SORBS2: variants seen among roughly 807,000 people sequenced by gnomAD.
The protein encoded by SORBS2 is sorbin and SH3 domain containing 2.
In SORBS2, 46 loss-of-function variants were observed where a neutral mutation model predicts 97.7. The ratio of observed to expected loss-of-function variants is 0.47; its 90% CI spans 0.37 to 0.60. The LOEUF (loss-of-function observed/expected upper bound fraction) is 0.60. Ranked by LOEUF, SORBS2 falls within the 20% of genes least tolerant of loss-of-function variation. SORBS2 has a pLI of 0.00. For missense variants in SORBS2, 1,316 were observed against 1,282.3 expected (o/e 1.03, Z -0.40); for synonymous variants, 476 against 473.4 (o/e 1.01, Z -0.07).
exon 7 of SORBS2, chr4:185,624,236 C>T: frequency 6.2e-7 from 1 of 1,614,236 alleles, no homozygotes; most frequent in Non-Finnish European, 8.5e-7. Flanking sequence ...GTCCGGGAAG[C>T]TATCGCAGTC....
rs2096771521 is a variant in SORBS2 at position 185,624,248 on chromosome 4, T to C, written c.881A>G (p.Asp294Gly). The C allele has an allele frequency of 6.2e-7, 1 of 1,614,052 alleles. No individual in the cohort carries two copies. The highest frequency in any genetic ancestry group is 8.5e-7 in the Non-Finnish European group (1 of 1,180,024). The change falls in exon 7 of 15, where the codon GAC becomes GGC. Residue 294 changes from aspartate to glycine, a missense_variant. Physicochemically the swap from Asp to Gly is moderately conservative, Grantham distance 94. Coordinates refer to ENST00000418609, the Ensembl canonical transcript of SORBS2. ...CGGGTCCGGGAAGCTATCGCAGTCG[T>C]CGTTTAGGAGATCGTCACAGCTCCG... is the stretch of plus-strand genomic sequence containing the variant.
chr4:185,677,058 A>G (rs1441400066), intron 4 of SORBS2: 7 of 1,551,430 alleles, frequency 4.5e-6, no homozygotes, highest in Non-Finnish European at 5.2e-6. Flanking sequence ...CTCTTGCTGA[A>G]GAGGTATCTT....
chr4:185,744,891 A>G (rs1187306807), intron 2 of SORBS2, among the ~76,000 whole-genome samples: 1 of 152,246 alleles, frequency 6.6e-6, no homozygotes, highest in Non-Finnish European at 1.5e-5. Flanking sequence ...GCAAAGGCAC[A>G]TTCACTAAGG....
At chr4:185,592,294 T>G (rs1487408937) in intron 13 of SORBS2, among the ~76,000 whole-genome samples, 1 of 152,244 alleles carries the variant, frequency 6.6e-6, no homozygotes, top group African/African-American at 2.4e-5. Context: ...AAAATCCCAC[T>G]AATTCAGGCT....
Position 185,712,397 on chromosome 4 carries a change from G to A in SORBS2, c.-197-33575C>T, listed in dbSNP as rs552124117. Among the ~76,000 whole-genome samples, 100 of 152,148 alleles carry A rather than the reference G, an allele frequency of 6.6e-4. 1 individual carries two copies. Among genetic ancestry groups the A allele is most frequent in the Non-Finnish European group, 2.6e-4 (18 of 68,014 alleles). On this transcript the variant is annotated intron_variant, in intron 2 of 20. Transcript: ENST00000284776. ...CCTTCCCACTGAGAGCCACTTTATC[G>A]GCAATAAAATCCCCCACATTTATCA...
chr4:185,772,567 C>T (rs1015687006), intron 2 of SORBS2: 3 of 152,190 alleles, frequency 2.0e-5, no homozygotes. Context: ...GGACTTCCTT[C>T]CTTCAGCTGA....
intron 1 of SORBS2, among the ~76,000 whole-genome samples, chr4:185,800,294 C>T (rs1585041848): frequency 6.6e-6 from 1 of 152,202 alleles, no homozygotes; most frequent in African/African-American, 2.4e-5. Context: ...GAAATCTCAC[C>T]TGCGTCAGAC....
At chr4:185,646,297 CTGAT>C (rs2097205775) in intron 4 of SORBS2, 1 of 159,296 alleles carries the variant, frequency 6.3e-6, no homozygotes, top group Admixed American at 6.4e-5. Context: ...AAGTTAAACT[CTGAT>C]TAATGATTAG....
chr4:185,918,533 A>C (rs1360419929), intron 1 of SORBS2: 1 of 152,194 alleles, frequency 6.6e-6, no homozygotes, highest in Non-Finnish European at 1.5e-5. Context: ...TTGGCCAATG[A>C]AGGGTGAGAG....
chr4:185,700,048 A>G (rs1381117258), intron 2 of SORBS2, among the ~76,000 whole-genome samples: 3 of 152,116 alleles, frequency 2.0e-5, no homozygotes, highest in Non-Finnish European at 1.5e-5. Flanking sequence ...CAGAAGGCAT[A>G]CACACGAGAG....
chr4:185,953,398 A>G (rs577308974), intron 1 of SORBS2, among the ~76,000 whole-genome samples: 6 of 152,268 alleles, frequency 3.9e-5, no homozygotes, highest in African/African-American at 1.4e-4. Flanking sequence ...CACTGGCATC[A>G]TTTTGGTCTG....
At chr4:185,881,242 A>G (rs1276325214) in intron 1 of SORBS2, among the ~76,000 whole-genome samples, 3 of 152,174 alleles carry the variant, frequency 2.0e-5, no homozygotes, top group African/African-American at 7.2e-5. Context: ...GACAGCAATC[A>G]ACATATGAGA....
At chr4:185,806,518 C>T (rs1371007877) in intron 1 of SORBS2, among the ~76,000 whole-genome samples, 10 of 139,222 alleles carry the variant, frequency 7.2e-5, no homozygotes, top group Non-Finnish European at 9.1e-5. Flanking sequence ...AGTGCAGTGG[C>T]GGGATCTCGG....
chr4:185,685,812 T>A (rs1162059539), intron 2 of SORBS2, among the ~76,000 whole-genome samples: 1 of 152,270 alleles, frequency 6.6e-6, no homozygotes, highest in Non-Finnish European at 1.5e-5. Context: ...GCACCTGGCC[T>A]CATTTATTGC....
intron 1 of SORBS2, among the ~76,000 whole-genome samples, chr4:185,844,423 T>C (rs748550181): frequency 9.3e-5 from 14 of 150,566 alleles, no homozygotes; most frequent in African/African-American, 2.7e-4. Flanking sequence ...TTCACACCCA[T>C]GAGAATGACA....
chr4:185,612,156 T>C (rs992212577), intron 11 of SORBS2, among the ~76,000 whole-genome samples, 176 bp from the exon 24 acceptor site: 4 of 152,176 alleles, frequency 2.6e-5, no homozygotes, highest in Non-Finnish European at 5.9e-5. Context: ...AAAATACACA[T>C]GATCAACATA....
At chr4:185,891,329 A>T (rs2099242399) in intron 1 of SORBS2, among the ~76,000 whole-genome samples, 1 of 152,078 alleles carries the variant, frequency 6.6e-6, no homozygotes, top group Admixed American at 6.6e-5. Context: ...TAACCTCCAA[A>T]CCGCCTTTAG....
Position 185,671,704 on chromosome 4 carries a change from C to T in SORBS2, c.-46+6719G>A, listed in dbSNP as rs531619512. On this transcript the variant is annotated intron_variant, in intron 4 of 20. Transcript: ENST00000284776. ...TCACGTGAACACTGTCAGATAGAGG[C>T]GGAAGAACATTCTGTCTCTTTTGCT... Among the ~76,000 whole-genome samples, 17 of 152,272 alleles carry T rather than the reference C, an allele frequency of 1.1e-4. No individual in the cohort carries two copies. In the East Asian group the frequency reaches 3.3e-3, roughly 29 times the overall value.
At chr4:185,697,180 A>C (rs2098187797) in intron 2 of SORBS2, among the ~76,000 whole-genome samples, 1 of 152,240 alleles carries the variant, frequency 6.6e-6, no homozygotes, top group Non-Finnish European at 1.5e-5. Context: ...CAATCTGGCA[A>C]ACTGGCATTA....
Sources: gnomAD v4.1 joint callset for allele counts (sites outside exome capture counted in the v4.1 genomes callset) on GRCh38, gnomAD v4.1.1 for gene constraint, MANE v1.5 for transcripts, NCBI Gene and HGNC (gene_info 2026-07-23, HGNC 2026-07-21) for gene names.